The following SOX5 variants were observed in gnomAD, a reference collection of about 807,000 sequenced individuals.
The protein encoded by SOX5 is SRY-box transcription factor 5.
A neutral mutation model predicts 92.0 loss-of-function variants in SOX5; 9 were observed. The ratio of observed to expected loss-of-function variants is 0.10; its 90% CI spans 0.06 to 0.17. The LOEUF is 0.17. Ranked by LOEUF, SOX5 falls within the 10% of genes least tolerant of loss-of-function variation. The probability of loss-of-function intolerance (pLI) is 1.00; values close to 1 mark genes in which losing one functional copy is unlikely to be tolerated. For missense variants in SOX5, 642 were observed against 944.5 expected (o/e 0.68, Z 4.20); for synonymous variants, 344 against 336.3 (o/e 1.02, Z -0.25).
intron 4 of SOX5, among the ~76,000 whole-genome samples, chr12:23,971,412 G>A (rs947533016): frequency 1.3e-5 from 2 of 151,578 alleles, no homozygotes; most frequent in African/African-American, 2.4e-5. Context: ...GTGAGCCACC[G>A]CGCCTGGCCA....
chr12:24,468,789 T>A (rs531100684), intron 1 of SOX5, among the ~76,000 whole-genome samples: 1 of 152,286 alleles, frequency 6.6e-6, no homozygotes, highest in East Asian at 1.9e-4. Flanking sequence ...CTTCAAGGAG[T>A]CTAATGATGT....
intron 1 of SOX5, among the ~76,000 whole-genome samples, chr12:24,468,463 A>G (rs1944453982): frequency 6.6e-6 from 1 of 152,182 alleles, no homozygotes; most frequent in Non-Finnish European, 1.5e-5. Context: ...TATAGATGTG[A>G]CTATCTACTG....
At chr12:23,842,269 G>C (rs977760629) in intron 3 of SOX5, among the ~76,000 whole-genome samples, 1 of 152,078 alleles carries the variant, frequency 6.6e-6, no homozygotes, top group Admixed American at 6.6e-5. Context: ...ATGGTGGTTA[G>C]TAGGAGCCAT....
intron 1 of SOX5, among the ~76,000 whole-genome samples, chr12:23,898,707 T>C (rs927109042): frequency 1.3e-5 from 2 of 152,344 alleles, no homozygotes; most frequent in Middle Eastern, 3.4e-3. Context: ...TTAAGGTTTA[T>C]AACACTGAAC....
chr12:24,324,128 T>G (rs1389173714), intron 2 of SOX5, among the ~76,000 whole-genome samples: 5 of 152,180 alleles, frequency 3.3e-5, no homozygotes, highest in African/African-American at 1.2e-4. Context: ...TTATATTTCT[T>G]CAAATTTTAT....
At chr12:24,068,275 C>A (rs993757929) in intron 4 of SOX5, among the ~76,000 whole-genome samples, 1 of 152,092 alleles carries the variant, frequency 6.6e-6, no homozygotes, top group African/African-American at 2.4e-5. Context: ...AGATTCGAGG[C>A]CAGTATACAC....
intron 1 of SOX5, among the ~76,000 whole-genome samples, chr12:23,921,317 T>C (rs1173945920): frequency 4.6e-5 from 7 of 151,674 alleles, no homozygotes; most frequent in Non-Finnish European, 1.5e-5. Context: ...ATGTACGCCC[T>C]ATGAAAGGCA....
intron 4 of SOX5, among the ~76,000 whole-genome samples, chr12:24,086,283 A>T (rs192228918): frequency 6.6e-6 from 1 of 152,038 alleles, no homozygotes; most frequent in African/African-American, 2.4e-5. Flanking sequence ...ATAAGTACCT[A>T]CCCAGACTAC....
chr12:24,057,677 A>G (rs1958267926), intron 4 of SOX5, among the ~76,000 whole-genome samples: 1 of 152,240 alleles, frequency 6.6e-6, no homozygotes, highest in Admixed American at 6.5e-5. Context: ...AACAAAATTA[A>G]CTTTAAAAAA....
At chr12:24,401,235 C>T (rs918499950) in intron 1 of SOX5, among the ~76,000 whole-genome samples, 1 of 151,550 alleles carries the variant, frequency 6.6e-6, no homozygotes, top group Admixed American at 6.6e-5. Flanking sequence ...GCCTGTAGTC[C>T]CAGCTACTCA....
chr12:24,256,973 C>A (rs564793122), intron 3 of SOX5, among the ~76,000 whole-genome samples: 1 of 152,274 alleles, frequency 6.6e-6, no homozygotes, highest in South Asian at 2.1e-4. Context: ...TGAAAGAGCC[C>A]ACTGGGCTTT....
chr12:23,985,488 T>TA (rs1401154573), intron 4 of SOX5, among the ~76,000 whole-genome samples: 1 of 152,140 alleles, frequency 6.6e-6, no homozygotes, highest in Non-Finnish European at 1.5e-5. Flanking sequence ...GCAGATAACT[T>TA]AAAGTTTGTA....
At chr12:23,755,527 G>A in intron 4 of SOX5, 111 bp downstream of exon 4, 1 of 729,106 alleles carries the variant, frequency 1.4e-6, no homozygotes, top group Non-Finnish European at 2.3e-6. Flanking sequence ...TAAACACAGA[G>A]AATGCAAGAA....
At chr12:24,302,536 G>A (rs2140662353) in intron 2 of SOX5, among the ~76,000 whole-genome samples, 1 of 152,048 alleles carries the variant, frequency 6.6e-6, no homozygotes, top group African/African-American at 2.4e-5. Flanking sequence ...AGTATAAAGA[G>A]GGATGGATCT....
chr12:24,423,079 A>G (rs1306752746), intron 1 of SOX5, among the ~76,000 whole-genome samples: 1 of 152,236 alleles, frequency 6.6e-6, no homozygotes, highest in South Asian at 2.1e-4. Context: ...AATGTTATCT[A>G]TATTTGGTAA....
chr12:24,228,814 G>A (rs943715346), intron 3 of SOX5, among the ~76,000 whole-genome samples: 4 of 152,164 alleles, frequency 2.6e-5, no homozygotes, highest in South Asian at 2.1e-4. Flanking sequence ...GTGTGTGTGC[G>A]GCACTGGCTG....
At chr12:23,968,888 C>T (rs1343613534) in intron 4 of SOX5, among the ~76,000 whole-genome samples, 4 of 152,184 alleles carry the variant, frequency 2.6e-5, no homozygotes, top group Admixed American at 2.6e-4. Context: ...ACTTTTCCCT[C>T]TCCCACTAGG....
intron 1 of SOX5, among the ~76,000 whole-genome samples, chr12:24,419,986 G>T: frequency 6.6e-6 from 1 of 152,198 alleles, no homozygotes; most frequent in Non-Finnish European, 1.5e-5. Context: ...CCAAAGAAAT[G>T]CTAAGATCAG....
intron 4 of SOX5, among the ~76,000 whole-genome samples, chr12:24,174,044 C>CTGA (rs1220202947): frequency 1.3e-5 from 2 of 151,742 alleles, no homozygotes; most frequent in Non-Finnish European, 2.9e-5. Context: ...GTCACCCAGT[C>CTGA]TGGAGTACAG....
Sources: gnomAD v4.1 joint callset for allele counts (sites outside exome capture counted in the v4.1 genomes callset) on GRCh38, gnomAD v4.1.1 for gene constraint, MANE v1.5 for transcripts, NCBI Gene and HGNC (gene_info 2026-07-23, HGNC 2026-07-21) for gene names.